Variants in ERBB4 observed in about 807,000 individuals in gnomAD.
ERBB4 encodes erb-b2 receptor tyrosine kinase 4.
In ERBB4, 42 loss-of-function variants were observed where a neutral mutation model predicts 158.0. The observed-to-expected ratio is 0.27, with a 90% confidence interval of 0.21 to 0.34. The LOEUF is 0.34. Ranked by LOEUF, ERBB4 falls within the 10% of genes least tolerant of loss-of-function variation. ERBB4 has a pLI of 1.00. For synonymous variants in ERBB4, 583 were observed against 558.7 expected (o/e 1.04, Z -0.61); for missense variants, 1,333 against 1,624.1 (o/e 0.82, Z 3.08).
At chr2:211,514,784 A>G (rs2065980221) in intron 20 of ERBB4, among the ~76,000 whole-genome samples, 1 of 152,166 alleles carries the variant, frequency 6.6e-6, no homozygotes, top group African/African-American at 2.4e-5. Context: ...TTTGTATTAT[A>G]CTTACCAGTT....
chr2:211,901,726 T>A (rs149461555), intron 3 of ERBB4, among the ~76,000 whole-genome samples: 1 of 152,128 alleles, frequency 6.6e-6, no homozygotes, highest in Non-Finnish European at 1.5e-5. Flanking sequence ...TCAAGGAAAA[T>A]TGACAGCCTA....
At chr2:211,882,954 G>A (rs958047537) in intron 3 of ERBB4, among the ~76,000 whole-genome samples, 5 of 152,022 alleles carry the variant, frequency 3.3e-5, no homozygotes, top group Admixed American at 1.3e-4. Flanking sequence ...CCTTTACTGG[G>A]TATATACCCA....
chr2:211,991,376 T>C (rs1489385195), intron 2 of ERBB4, among the ~76,000 whole-genome samples: 1 of 152,020 alleles, frequency 6.6e-6, no homozygotes, highest in Non-Finnish European at 1.5e-5. Flanking sequence ...TACATTTAAA[T>C]ACATAAATAT....
intron 2 of ERBB4, among the ~76,000 whole-genome samples, chr2:211,988,143 G>C (rs900310638): frequency 2.6e-5 from 4 of 152,138 alleles, no homozygotes; most frequent in Non-Finnish European, 5.9e-5. Context: ...AGGTTTTAGA[G>C]AGCAAATGTT....
At chr2:212,493,606 G>C (rs1690402647) in intron 1 of ERBB4, among the ~76,000 whole-genome samples, 1 of 151,612 alleles carries the variant, frequency 6.6e-6, no homozygotes, top group African/African-American at 2.4e-5. Flanking sequence ...TTTAACTTCA[G>C]CAATTTTTAA....
chr2:211,569,616 T>G (rs1330661881), intron 19 of ERBB4, among the ~76,000 whole-genome samples: 1 of 152,184 alleles, frequency 6.6e-6, no homozygotes, highest in African/African-American at 2.4e-5. Context: ...AAATGTGTCC[T>G]GAGATCAGAT....
chr2:211,565,530 G>A (rs141070674), intron 19 of ERBB4, among the ~76,000 whole-genome samples: 49 of 152,246 alleles, frequency 3.2e-4, no homozygotes, highest in African/African-American at 1.2e-3. Flanking sequence ...GGACAGCAGG[G>A]TAGCTAGCAT....
chr2:211,892,789 A>C (rs1172444778), intron 3 of ERBB4, among the ~76,000 whole-genome samples: 2 of 143,998 alleles, frequency 1.4e-5, no homozygotes, highest in Admixed American at 6.8e-5. Context: ...GAGCCAAATC[A>C]TGAGTGAACT....
At chr2:211,404,582 CTAACTTTGTTAAAACACTTTTTTT>C (rs1228380271) in intron 25 of ERBB4, among the ~76,000 whole-genome samples, 3 of 152,076 alleles carry the variant, frequency 2.0e-5, no homozygotes, top group Non-Finnish European at 2.9e-5. Context: ...TGACAGACAA[CTAACTTTGTTAAAACACTTTTTTT>C]TAACTTTGTT....
At chr2:212,304,707 T>G (rs1484780276) in intron 1 of ERBB4, among the ~76,000 whole-genome samples, 1 of 151,534 alleles carries the variant, frequency 6.6e-6, no homozygotes, top group African/African-American at 2.4e-5. Flanking sequence ...TTTTCCACCC[T>G]GTAAGGTTTC....
At chr2:211,763,281 T>C (rs1197774643) in intron 4 of ERBB4, among the ~76,000 whole-genome samples, 1 of 152,232 alleles carries the variant, frequency 6.6e-6, no homozygotes, top group Admixed American at 6.5e-5. Context: ...ATGGTCTCCA[T>C]GGATAGCCTG....
chr2:211,934,285 T>C (rs900213090), intron 3 of ERBB4, among the ~76,000 whole-genome samples: 1 of 152,078 alleles, frequency 6.6e-6, no homozygotes, highest in African/African-American at 2.4e-5. Context: ...TAGATCAACT[T>C]AGCCTGTCCA....
intron 1 of ERBB4, among the ~76,000 whole-genome samples, chr2:212,516,203 A>G (rs1436040595): frequency 6.6e-6 from 1 of 152,034 alleles, no homozygotes; most frequent in Non-Finnish European, 1.5e-5. Context: ...TTATTAGTAC[A>G]AAGTACTAAT....
intron 2 of ERBB4, among the ~76,000 whole-genome samples, chr2:211,990,434 T>G (rs756349034): frequency 2.0e-5 from 3 of 151,838 alleles, no homozygotes; most frequent in African/African-American, 7.3e-5. Context: ...AACTGTACAT[T>G]TGTCACAAAA....
intron 1 of ERBB4, among the ~76,000 whole-genome samples, chr2:212,527,346 T>C (rs1482892197): frequency 6.6e-6 from 1 of 152,134 alleles, no homozygotes; most frequent in Non-Finnish European, 1.5e-5. Context: ...GGTGTAAAAG[T>C]AATTGTGATT....
chr2:211,602,792 A>T (rs2068840772), intron 19 of ERBB4, among the ~76,000 whole-genome samples: 1 of 152,188 alleles, frequency 6.6e-6, no homozygotes, highest in African/African-American at 2.4e-5. Context: ...AAGATATGGT[A>T]TCCCCGAACT....
intron 1 of ERBB4, among the ~76,000 whole-genome samples, chr2:212,511,595 A>T (rs1277764120): frequency 6.6e-6 from 1 of 152,178 alleles, no homozygotes; most frequent in East Asian, 1.9e-4. Flanking sequence ...ATTCTGTGAA[A>T]CGAATAGATA....
intron 20 of ERBB4, among the ~76,000 whole-genome samples, chr2:211,490,188 G>A (rs2065304183): frequency 6.6e-6 from 1 of 152,040 alleles, no homozygotes; most frequent in Non-Finnish European, 1.5e-5. Flanking sequence ...TCACATTGCA[G>A]TTGACTAATT....
intron 3 of ERBB4, among the ~76,000 whole-genome samples, chr2:211,808,127 T>C (rs2105907548): frequency 6.6e-6 from 1 of 152,334 alleles, no homozygotes; most frequent in South Asian, 2.1e-4. Context: ...GCTCTTTAGT[T>C]TAATTAGATC....
Sources: allele counts gnomAD v4.1 joint callset (sites outside exome capture counted in the v4.1 genomes callset), GRCh38; gene constraint gnomAD v4.1.1; transcripts MANE v1.5; gene names NCBI Gene and HGNC (gene_info 2026-07-23, HGNC 2026-07-21).